Variants in GRIA4 observed in about 807,000 individuals in gnomAD.
GRIA4 encodes the protein glutamate receptor 4.
A neutral mutation model predicts 104.0 loss-of-function variants in GRIA4; 34 were observed. The observed-to-expected ratio is 0.33, with a 90% CI of 0.25 to 0.44. The LOEUF (loss-of-function observed/expected upper bound fraction) is 0.44. Among genes scored for constraint, GRIA4 ranks in the 20% least tolerant of loss-of-function variants. The probability of loss-of-function intolerance (pLI) is 1.00; values close to 1 mark genes in which losing one functional copy is unlikely to be tolerated. For synonymous variants in GRIA4, 386 were observed against 381.9 expected (o/e 1.01, Z -0.13); for missense variants, 750 against 1,096.5 (o/e 0.68, Z 4.46).
chr11:105,803,861 AAGAG>A lies in GRIA4; in HGVS notation c.487+50657_487+50660del, dbSNP rs1206118933. 6.3e-4 allele frequency among the ~76,000 whole-genome samples: 93 copies of A among 147,042 alleles called. 1 individual carries two copies. In the East Asian group the frequency reaches 7.6e-3, roughly 12 times the overall value. ...TGCTATACCAAAAAAAAAAAAAAAA[AAGAG>A]AGAGAGAGAGAGAGAAGAGCCATGA... On this transcript the variant is annotated intron_variant, in intron 4 of 16. Coordinates refer to ENST00000282499, the MANE Select transcript of GRIA4 (RefSeq NM_000829.4).
intron 13 of GRIA4, 95 bp from the exon 14 acceptor site, chr11:105,933,627 A>G: frequency 1.2e-6 from 1 of 867,656 alleles, no homozygotes; most frequent in Non-Finnish European, 1.8e-6. Flanking sequence ...AGCAATGGAA[A>G]GATACTAAAA....
intron 4 of GRIA4, among the ~76,000 whole-genome samples, chr11:105,853,628 G>A (rs1485684885): frequency 6.6e-6 from 1 of 152,132 alleles, no homozygotes; most frequent in Non-Finnish European, 1.5e-5. Flanking sequence ...GCTGATATTT[G>A]ACTATTTTTG....
intron 10 of GRIA4, among the ~76,000 whole-genome samples, chr11:105,914,945 C>T (rs1198215330): frequency 6.6e-6 from 1 of 151,952 alleles, no homozygotes; most frequent in Non-Finnish European, 1.5e-5. Context: ...CCATAGTAGC[C>T]CCCTACCTTT....
intron 4 of GRIA4, among the ~76,000 whole-genome samples, chr11:105,853,224 T>G (rs1034557306): frequency 6.6e-6 from 1 of 152,154 alleles, no homozygotes; most frequent in African/African-American, 2.4e-5. Flanking sequence ...GAACCAAAAA[T>G]ATTTCTGTTT....
intron 5 of GRIA4, among the ~76,000 whole-genome samples, chr11:105,880,599 T>C (rs887541558): frequency 1.3e-5 from 2 of 152,214 alleles, no homozygotes; most frequent in African/African-American, 2.4e-5. Flanking sequence ...GGTCATTTTT[T>C]TTAATATTTG....
At chr11:105,795,969 T>A (rs1018896078) in intron 4 of GRIA4, among the ~76,000 whole-genome samples, 7 of 152,130 alleles carry the variant, frequency 4.6e-5, no homozygotes, top group Admixed American at 4.6e-4. Flanking sequence ...GGCTGAGAGT[T>A]CATGCAGGAA....
At chr11:105,894,123 A>G (rs1430095642) in intron 6 of GRIA4, among the ~76,000 whole-genome samples, 1 of 152,180 alleles carries the variant, frequency 6.6e-6, no homozygotes, top group African/African-American at 2.4e-5. Flanking sequence ...TGAATGTGGA[A>G]GGTATAAGGT....
chr11:105,710,103 CTTA>C (rs1036731115), intron 3 of GRIA4, among the ~76,000 whole-genome samples: 1 of 151,994 alleles, frequency 6.6e-6, no homozygotes, highest in Non-Finnish European at 1.5e-5. Context: ...TTTATTATTT[CTTA>C]TTATATTATT....
At chr11:105,664,909 A>G (rs1456832024) in intron 3 of GRIA4, among the ~76,000 whole-genome samples, 1 of 152,042 alleles carries the variant, frequency 6.6e-6, no homozygotes, top group Non-Finnish European at 1.5e-5. Flanking sequence ...GGATCTAAAC[A>G]TTTGATTCTT....
chr11:105,730,008 T>A (rs1200046122), intron 3 of GRIA4, among the ~76,000 whole-genome samples: 1 of 152,242 alleles, frequency 6.6e-6, no homozygotes, highest in South Asian at 2.1e-4. Flanking sequence ...CTTTTCAACA[T>A]AGTATTGGAA....
At chr11:105,688,618 A>G (rs1379163251) in intron 3 of GRIA4, among the ~76,000 whole-genome samples, 2 of 152,198 alleles carry the variant, frequency 1.3e-5, no homozygotes, top group African/African-American at 4.8e-5. Context: ...AAATAAATAC[A>G]TACTTTCAAC....
intron 3 of GRIA4, among the ~76,000 whole-genome samples, chr11:105,623,272 C>A (rs1226050101): frequency 6.6e-6 from 1 of 151,728 alleles, no homozygotes; most frequent in African/African-American, 2.4e-5. Flanking sequence ...ATTTTTAGTT[C>A]TCAGACTGAA....
At chr11:105,818,369 G>A (rs1261639947) in intron 4 of GRIA4, among the ~76,000 whole-genome samples, 2 of 152,144 alleles carry the variant, frequency 1.3e-5, no homozygotes, top group Non-Finnish European at 2.9e-5. Flanking sequence ...CATTCAGAGA[G>A]TGGCCTGGGT....
At chr11:105,938,731 G>A (rs1328882699) in intron 14 of GRIA4, among the ~76,000 whole-genome samples, 1 of 152,080 alleles carries the variant, frequency 6.6e-6, no homozygotes, top group Non-Finnish European at 1.5e-5. Context: ...TCTTTTCTGA[G>A]ATATGCTTAC....
In GRIA4 at chr11:105,887,536, G is replaced by A; in HGVS notation, c.690G>A (p.Lys230=). The change falls in exon 6 of 17, where the codon AAG becomes AAA. Residue 230 remains lysine (K), a synonymous_variant. Coordinates refer to ENST00000282499, the MANE Select transcript of GRIA4 (RefSeq NM_000829.4). ...CTTCACAGATTGTAAGTGTTGGAAA[G>A]CATGTTAAAGGCTACCATTATATCA... ...NILEQIVSVG[K]HVKGYHYIIA... is the part of the protein sequence containing the mutation. 6.9e-7 allele frequency: 1 copy of A among 1,446,446 alleles called. No individual in the cohort carries two copies. The highest frequency in any genetic ancestry group is 9.6e-7 in the Non-Finnish European group (1 of 1,039,108). 89.6% of individuals were successfully genotyped at this position (1,446,446 alleles called of 1,614,324 possible). A position where few individuals can be genotyped will look rare whatever the true frequency, so the allele number is the denominator to read the frequency against.
chr11:105,634,473 GAAA>G (rs1565419816), intron 3 of GRIA4, among the ~76,000 whole-genome samples: 16 of 43,768 alleles, frequency 3.7e-4, no homozygotes, highest in East Asian at 1.1e-3. Context: ...GAAAGGGAAA[GAAA>G]GAAAGAAAGA....
At chr11:105,949,648 A>C (rs930199749) in intron 14 of GRIA4, among the ~76,000 whole-genome samples, 7 of 152,228 alleles carry the variant, frequency 4.6e-5, no homozygotes, top group South Asian at 2.1e-4. Flanking sequence ...CAGATGTATT[A>C]GTTTACAAAT....
At chr11:105,803,763 G>A (rs1357690168) in intron 4 of GRIA4, among the ~76,000 whole-genome samples, 1 of 150,118 alleles carries the variant, frequency 6.7e-6, no homozygotes, top group African/African-American at 2.5e-5. Flanking sequence ...AAAAATGTAG[G>A]AAAGGTGGCC....
intron 3 of GRIA4, among the ~76,000 whole-genome samples, chr11:105,731,942 G>C (rs1938620815): frequency 6.6e-6 from 1 of 152,084 alleles, no homozygotes. Flanking sequence ...GGGTCGATGG[G>C]TGCAGCAAAC....
Sources: gnomAD v4.1 joint callset for allele counts (sites outside exome capture counted in the v4.1 genomes callset) on GRCh38, gnomAD v4.1.1 for gene constraint, MANE v1.5 for transcripts, NCBI Gene and HGNC (gene_info 2026-07-23, HGNC 2026-07-21) for gene names.